The following HPS3 variants were observed in gnomAD, a reference collection of about 807,000 sequenced individuals.
HPS3 encodes the protein BLOC-2 complex member HPS3.
Under a neutral mutation model 110.9 loss-of-function variants are expected in HPS3, and 79 were observed. The ratio of observed to expected loss-of-function variants is 0.71; its 90% CI spans 0.59 to 0.86. The LOEUF is 0.86. HPS3 is among the 40% of genes least tolerant of loss of function. The pLI is 0.00. For synonymous variants in HPS3, 428 were observed against 451.0 expected, an observed-to-expected ratio of 0.95 and a Z score of 0.65; for missense variants, 1,197 against 1,206.2, an observed-to-expected ratio of 0.99 and a Z score of 0.11.
At position 149,172,727 on chromosome 3, in the gene HPS3, T is replaced by C. The variant is rs946080556; in HGVS notation, c.*505T>C. ...TTGCCATGGTAAAAGATTTCAAACC[T>C]CATTTTTTTTGTTCCTTTTCTTGTT... On this transcript the variant is annotated 3_prime_UTR_variant, in exon 17 of 17. Transcript: ENST00000296051. The C allele has an allele frequency of 1.3e-5, 2 of 153,070 alleles. No homozygotes were observed. The highest frequency in any genetic ancestry group is 2.9e-5 in the Non-Finnish European group (2 of 68,360). 9.5% of individuals were successfully genotyped at this position (153,070 alleles called of 1,614,324 possible). A position where few individuals can be genotyped will look rare whatever the true frequency, so the allele number is the denominator to read the frequency against.
At chr3:149,148,459 G>C (rs1576675492) in intron 5 of HPS3, among the ~76,000 whole-genome samples, 1 of 142,350 alleles carries the variant, frequency 7.0e-6, no homozygotes, top group Admixed American at 7.2e-5. Flanking sequence ...TTGGAGTGCA[G>C]TGGCGTGATC....
At chr3:149,148,209 A>G (rs763952263) in intron 5 of HPS3, among the ~76,000 whole-genome samples, 1 of 151,932 alleles carries the variant, frequency 6.6e-6, no homozygotes, top group Admixed American at 6.6e-5. Flanking sequence ...AAATGTTTCA[A>G]AATCTCTTGT....
chr3:149,143,603 G>T (rs995410927), intron 4 of HPS3, among the ~76,000 whole-genome samples: 1 of 152,126 alleles, frequency 6.6e-6, no homozygotes, highest in Non-Finnish European at 1.5e-5. Flanking sequence ...CGAATGGATG[G>T]GTCATATGTA....
intron 16 of HPS3, chr3:149,170,505 C>T (rs1724871314): frequency 6.6e-6 from 1 of 152,174 alleles, no homozygotes; most frequent in African/African-American, 2.4e-5. Flanking sequence ...AGCTAGCAGA[C>T]AGTACCACTA....
intron 1 of HPS3, among the ~76,000 whole-genome samples, chr3:149,134,505 C>G (rs959836134): frequency 2.6e-5 from 4 of 152,188 alleles, no homozygotes; most frequent in Non-Finnish European, 4.4e-5. Flanking sequence ...ATGTAAACTT[C>G]TAGCTTTCTT....
intron 7 of HPS3, 21 bp from the exon 8 acceptor site, chr3:149,155,086 T>C: frequency 1.7e-6 from 2 of 1,201,530 alleles, no homozygotes; most frequent in Non-Finnish European, 2.5e-6. Context: ...TTAAAATTCT[T>C]GTCCTTTGTT....
intron 5 of HPS3, among the ~76,000 whole-genome samples, chr3:149,148,922 A>C (rs1479363054): frequency 1.3e-5 from 2 of 148,868 alleles, no homozygotes; most frequent in African/African-American, 4.9e-5. Flanking sequence ...GGATTCCTAC[A>C]GGTGGAGGTA....
chr3:149,161,851 T>C (rs2108167332), intron 11 of HPS3, among the ~76,000 whole-genome samples: 2 of 152,272 alleles, frequency 1.3e-5, no homozygotes, highest in South Asian at 4.2e-4. Context: ...AATCCATGGG[T>C]GTGGAACCCA....
chr3:149,170,276 A>C (rs900477308), intron 16 of HPS3, among the ~76,000 whole-genome samples: 4 of 152,212 alleles, frequency 2.6e-5, no homozygotes, highest in Non-Finnish European at 4.4e-5. Context: ...ACTCTATAAC[A>C]ACTCCACACT....
At chr3:149,155,983 A>G (rs1483186607) in intron 8 of HPS3, among the ~76,000 whole-genome samples, 2 of 152,146 alleles carry the variant, frequency 1.3e-5, no homozygotes, top group African/African-American at 2.4e-5. Flanking sequence ...ACAATGAGCT[A>G]TGGTCGTACC....
intron 5 of HPS3, among the ~76,000 whole-genome samples, chr3:149,147,797 C>G (rs1722864677): frequency 6.6e-6 from 1 of 152,184 alleles, no homozygotes; most frequent in Non-Finnish European, 1.5e-5. Flanking sequence ...ACATCATTAA[C>G]TTCACTGTGA....
At chr3:149,166,900 A>G (rs1002042046) in intron 14 of HPS3, 134 bp from the exon 15 acceptor site, 52 of 724,498 alleles carry the variant, frequency 7.2e-5, no homozygotes, top group South Asian at 3.7e-4. Flanking sequence ...GACCACGTGC[A>G]TGTGCTCTAA....
chr3:149,150,405 G>A (rs1308387748), intron 5 of HPS3, among the ~76,000 whole-genome samples, 194 bp from the exon 6 acceptor site: 1 of 152,140 alleles, frequency 6.6e-6, no homozygotes, highest in Non-Finnish European at 1.5e-5. Flanking sequence ...GGGACCAGTT[G>A]TATATTTTTA....
chr3:149,155,181 AT>A lies in HPS3; in HGVS notation c.1476del (p.Asn492LysfsTer13). ...AEAGWNLYIVNTISPVQLYKE... is the reference protein window; with the variant it reads ...AEAGWNLYIVXTISPVQLYKE... ...GCTGGGTGGAATTTGTATATTGTGA[AT>A]ACGATCTCACCAGTGCAGCTGTACA... On this transcript the variant is annotated frameshift_variant, in exon 8 of 17. Coordinates refer to ENST00000296051, the MANE Select transcript of HPS3 (RefSeq NM_032383.5). LOFTEE classifies it high-confidence loss of function. 1 of 1,599,534 alleles carries A rather than the reference AT, an allele frequency of 6.3e-7. No homozygotes were observed. Among genetic ancestry groups the A allele is most frequent in the Non-Finnish European group, 8.6e-7 (1 of 1,166,728 alleles).
intron 12 of HPS3, 62 bp from the exon 13 acceptor site, chr3:149,162,628 G>C: frequency 6.5e-7 from 1 of 1,531,558 alleles, no homozygotes; most frequent in Non-Finnish European, 9.0e-7. Flanking sequence ...ATTCAGCCCA[G>C]CTGTCGCTTT....
In HPS3 at chr3:149,172,284, A is replaced by G. The variant is rs1415667162; in HGVS notation, c.*62A>G. The G allele has an allele frequency of 5.0e-6, 7 of 1,411,126 alleles. No homozygotes were observed. In the South Asian group the frequency reaches 7.0e-5, roughly 14 times the overall value. The allele number at this position is 1,411,126 out of a possible 1,614,324, so 87.4% of individuals were successfully genotyped here. On this transcript the variant is annotated 3_prime_UTR_variant, in exon 17 of 17. Transcript: ENST00000296051. ...ACTGAATTTCTAAAAATTGAATGCC[A>G]AAGTACAAGTAGAGGAGTTTTTTAT...
intron 6 of HPS3, among the ~76,000 whole-genome samples, chr3:149,151,359 C>G (rs1311994122): frequency 6.6e-6 from 1 of 151,612 alleles, no homozygotes; most frequent in Non-Finnish European, 1.5e-5. Flanking sequence ...AATGGAAATA[C>G]TGGTGGCAGT....
rs191710611 is a variant in HPS3, at chr3:149,164,247, G to C, written c.2589+298G>C. Among the ~76,000 whole-genome samples, 442 of 152,298 alleles carry C rather than the reference G, an allele frequency of 2.9e-3. 9 individuals are homozygous for C. The highest frequency in any genetic ancestry group is 3.1e-4 in the Non-Finnish European group (21 of 68,026). On this transcript the variant is annotated intron_variant, in intron 14 of 16. Transcript: ENST00000296051. ...TGGGCTTGAAAACACTTTGTGAAATGAAAGTGTGGCAAATGTTTAGTGGTG... is the reference window on the plus strand; with the variant it reads ...TGGGCTTGAAAACACTTTGTGAAATCAAAGTGTGGCAAATGTTTAGTGGTG...
In HPS3 at chr3:149,140,408, A is replaced by G; in HGVS notation, c.622A>G (p.Ile208Val). The G allele has an allele frequency of 1.2e-6, 2 of 1,611,578 alleles. No homozygotes were observed. The highest frequency in any genetic ancestry group is 2.2e-5 in the East Asian group (1 of 44,852). Residue 208 changes from isoleucine (I) to valine (V), a missense_variant, in exon 2 of 17, where the codon ATC becomes GTC. Ile to Val is a conservative substitution (Grantham distance 29). Coordinates refer to ENST00000296051, the MANE Select transcript of HPS3 (RefSeq NM_032383.5). ...VAVMSDLEVL[I>V]VKLESGPKNG... ...TGTCATGTCAGACTTAGAAGTCTTA[A>G]TCGTAAAACTGGAGTCAGGCCCTAA...
Sources: allele counts gnomAD v4.1 joint callset (sites outside exome capture counted in the v4.1 genomes callset), GRCh38; gene constraint gnomAD v4.1.1; transcripts MANE v1.5; gene names NCBI Gene and HGNC (gene_info 2026-07-23, HGNC 2026-07-21).